PKP4: variants seen among roughly 807,000 people sequenced by gnomAD.
PKP4 encodes plakophilin-4.
A neutral mutation model predicts 145.1 loss-of-function variants in PKP4; 90 were observed. That is an observed-to-expected ratio of 0.62 (90% CI 0.52 to 0.74). PKP4 has a LOEUF of 0.74. Among genes scored for constraint, PKP4 ranks in the 30% least tolerant of loss-of-function variants. PKP4 has a pLI of 0.00. For missense variants in PKP4, 1,340 were observed against 1,482.7 expected (o/e 0.90, Z 1.58); for synonymous variants, 563 against 577.2 (o/e 0.98, Z 0.35).
intron 4 of PKP4, among the ~76,000 whole-genome samples, chr2:158,605,220 A>G (rs2050557229): frequency 6.6e-6 from 1 of 152,156 alleles, no homozygotes; most frequent in Non-Finnish European, 1.5e-5. Context: ...CGTCCTAGGA[A>G]TATTTCGTGT....
At chr2:158,598,304 G>C (rs2049934971) in intron 3 of PKP4, among the ~76,000 whole-genome samples, 1 of 152,140 alleles carries the variant, frequency 6.6e-6, no homozygotes, top group Non-Finnish European at 1.5e-5. Flanking sequence ...CTACCTGAAA[G>C]AAGGTGAGGG....
intron 4 of PKP4, among the ~76,000 whole-genome samples, chr2:158,614,740 ATTT>A (rs2051434170): frequency 6.6e-6 from 1 of 152,174 alleles, no homozygotes; most frequent in African/African-American, 2.4e-5. Flanking sequence ...AGCCTTTAAT[ATTT>A]TATGTTTGAT....
rs547412892 is a variant in PKP4, at chr2:158,662,803, T to A, written c.2212-94T>A. ...TAAATAAAAAGTAGTTCTTTCATAT[T>A]TCCCATTTATTTCCTGTCTGTAGTG... On this transcript the variant is annotated intron_variant, in intron 13 of 21. Coordinates refer to ENST00000389759, the MANE Select transcript of PKP4 (RefSeq NM_003628.6). 36 of 891,344 alleles carry A rather than the reference T, an allele frequency of 4.0e-5. No individual in the cohort carries two copies. In the African/African-American group the frequency reaches 5.8e-4, roughly 14 times the overall value. The allele number at this position is 891,344 out of a possible 1,614,324, so 55.2% of individuals were successfully genotyped here.
At position 158,624,225 on chromosome 2, in the gene PKP4, C is replaced by G. The variant is rs1002636917; in HGVS notation, c.604-653C>G. Among the ~76,000 whole-genome samples the G allele has an allele frequency of 2.6e-5, 4 of 152,290 alleles. 1 individual carries two copies. The highest frequency in any genetic ancestry group is 4.1e-4 in the South Asian group (2 of 4,824). ...GAAGCTATGCTTGATCTAAAGGAAT[C>G]AACAAATTTGCCTAGAGCACCTGTG... On this transcript the variant is annotated intron_variant, in intron 6 of 21. Transcript: ENST00000389759.
intron 2 of PKP4, among the ~76,000 whole-genome samples, chr2:158,573,654 CAAAAA>C (rs56145817): frequency 4.7e-5 from 6 of 128,146 alleles, no homozygotes; most frequent in Non-Finnish European, 9.7e-5. Context: ...AAATGGAAGC[CAAAAA>C]AAAAAAAAAA....
chr2:158,473,440 A>G (rs1048682550), intron 1 of PKP4, among the ~76,000 whole-genome samples: 3 of 152,230 alleles, frequency 2.0e-5, no homozygotes, highest in African/African-American at 7.2e-5. Flanking sequence ...TGGATAAAGA[A>G]AATGTGGTAC....
intron 1 of PKP4, among the ~76,000 whole-genome samples, chr2:158,498,127 C>T (rs957238436): frequency 2.6e-5 from 4 of 152,124 alleles, no homozygotes; most frequent in African/African-American, 9.7e-5. Context: ...TTAAATTGTG[C>T]AGCTTTTGAC....
chr2:158,500,684 G>T (rs557101936), intron 1 of PKP4, among the ~76,000 whole-genome samples: 1 of 152,204 alleles, frequency 6.6e-6, no homozygotes, highest in South Asian at 2.1e-4. Flanking sequence ...TACATTGTTG[G>T]CCTACAGCTA....
At chr2:158,520,077 T>G (rs917185407) in intron 1 of PKP4, among the ~76,000 whole-genome samples, 1 of 152,208 alleles carries the variant, frequency 6.6e-6, no homozygotes, top group Non-Finnish European at 1.5e-5. Flanking sequence ...TGGGGAAATG[T>G]TGAAAATGCC....
chr2:158,512,539 C>T (rs2041608393), intron 1 of PKP4, among the ~76,000 whole-genome samples: 1 of 152,234 alleles, frequency 6.6e-6, no homozygotes, highest in South Asian at 2.1e-4. Flanking sequence ...GGAACACTTA[C>T]TCCAACAGCT....
intron 7 of PKP4, among the ~76,000 whole-genome samples, chr2:158,628,775 A>G (rs1349027879): frequency 1.1e-4 from 17 of 152,218 alleles, no homozygotes; most frequent in Non-Finnish European, 2.9e-5. Flanking sequence ...AGAATATAAC[A>G]TTGTAATCGT....
intron 1 of PKP4, among the ~76,000 whole-genome samples, chr2:158,493,815 A>C (rs1309270387): frequency 6.6e-6 from 1 of 152,088 alleles, no homozygotes; most frequent in Non-Finnish European, 1.5e-5. Context: ...TTTTCCTGCT[A>C]ATCTAGGTCT....
chr2:158,496,427 T>C (rs1243490168), intron 1 of PKP4, among the ~76,000 whole-genome samples: 3 of 152,240 alleles, frequency 2.0e-5, no homozygotes, highest in South Asian at 4.1e-4. Flanking sequence ...TGTGAATTTG[T>C]TGGTGCACCC....
chr2:158,667,914 T>A (rs2057247110), intron 16 of PKP4, among the ~76,000 whole-genome samples: 1 of 152,222 alleles, frequency 6.6e-6, no homozygotes, highest in Admixed American at 6.5e-5. Context: ...GGATTTCTTA[T>A]AAGAAGCATG....
intron 1 of PKP4, among the ~76,000 whole-genome samples, chr2:158,512,952 T>G (rs1238939323): frequency 2.6e-5 from 4 of 152,234 alleles, no homozygotes; most frequent in Non-Finnish European, 5.9e-5. Context: ...TTGTCAAAGG[T>G]GAAGATGTGT....
chr2:158,649,179 A>T (rs763185288), intron 11 of PKP4, among the ~76,000 whole-genome samples: 10 of 152,190 alleles, frequency 6.6e-5, no homozygotes, highest in Non-Finnish European at 1.3e-4. Flanking sequence ...AGAACCCTAA[A>T]GAAATCTCCT....
At chr2:158,655,943 A>G (rs971956376) in intron 11 of PKP4, among the ~76,000 whole-genome samples, 3 of 151,576 alleles carry the variant, frequency 2.0e-5, no homozygotes, top group Non-Finnish European at 2.9e-5. Context: ...CCTTGACCCA[A>G]CTCTGTCTTC....
intron 1 of PKP4, among the ~76,000 whole-genome samples, chr2:158,491,483 T>C (rs1252626898): frequency 1.3e-5 from 2 of 152,126 alleles, no homozygotes; most frequent in Admixed American, 6.5e-5. Flanking sequence ...CTGCTTGTTA[T>C]CTTTTTTTGG....
chr2:158,669,221 C>T (rs541562866), intron 16 of PKP4: 7 of 152,382 alleles, frequency 4.6e-5, no homozygotes, highest in African/African-American at 1.7e-4. Context: ...AAATGTGTAA[C>T]TGTACCCAGT....
Sources: allele counts gnomAD v4.1 joint callset (sites outside exome capture counted in the v4.1 genomes callset), GRCh38; gene constraint gnomAD v4.1.1; transcripts MANE v1.5; gene names NCBI Gene and HGNC (gene_info 2026-07-23, HGNC 2026-07-21).